CDCA8: variants seen among roughly 807,000 people sequenced by gnomAD.
The protein encoded by CDCA8 is cell division cycle associated 8, also known as borealin.
Under a neutral mutation model 40.0 loss-of-function variants are expected in CDCA8, and 25 were observed. The ratio of observed to expected loss-of-function variants is 0.63; its 90% CI spans 0.46 to 0.87. The LOEUF (loss-of-function observed/expected upper bound fraction) is 0.87, where lower values mean the gene tolerates loss of function less well. Among genes scored for constraint, CDCA8 ranks in the 40% least tolerant of loss-of-function variants. CDCA8 has a pLI of 0.00. For missense variants in CDCA8, 280 were observed against 348.4 expected (o/e 0.80, Z 1.56); for synonymous variants, 111 against 126.5 (o/e 0.88, Z 0.82).
At chr1:37,693,069 G>T (rs1399790761) in intron 2 of CDCA8, 36 bp downstream of exon 2, 2 of 1,608,720 alleles carry the variant, frequency 1.2e-6, no homozygotes, top group Non-Finnish European at 1.7e-6. Context: ...CGGAGGCCAG[G>T]AGCCCCTTGG....
At chr1:37,702,319 C>T (rs1645571103) in intron 6 of CDCA8, among the ~76,000 whole-genome samples, 1 of 151,510 alleles carries the variant, frequency 6.6e-6, no homozygotes, top group African/African-American at 2.4e-5. Context: ...TTAAGTATAG[C>T]AAGAACTGCC....
In CDCA8 at chr1:37,693,044, G is replaced by C. The variant is rs1462890093; in HGVS notation, c.223+11G>C. 16 of 1,612,928 alleles carry C rather than the reference G, an allele frequency of 9.9e-6. No homozygotes were observed. The Admixed American group carries it at 2.7e-4, about 27-fold the overall frequency. On this transcript the variant is annotated intron_variant, in intron 2 of 9. Transcript: ENST00000373055. Reference sequence around the variant, plus strand: ...GGCTTGACTACTTCGGTAAGAGCTGGAGAGCTTCCCTGGGCGGAGGCCAGG... The same window carrying C: ...GGCTTGACTACTTCGGTAAGAGCTGCAGAGCTTCCCTGGGCGGAGGCCAGG...
intron 6 of CDCA8, among the ~76,000 whole-genome samples, chr1:37,703,000 A>G (rs1645574832): frequency 6.6e-6 from 1 of 151,988 alleles, no homozygotes; most frequent in Non-Finnish European, 1.5e-5. Context: ...CTTTGGTTCA[A>G]AGTTTTGGCT....
chr1:37,703,992 T>C (rs1641010818), intron 7 of CDCA8, among the ~76,000 whole-genome samples: 1 of 152,158 alleles, frequency 6.6e-6, no homozygotes, highest in African/African-American at 2.4e-5. Flanking sequence ...CTCACTCCAA[T>C]GCCCAGGCTG....
intron 9 of CDCA8, 140 bp from the exon 10 acceptor site, chr1:37,708,182 A>T: frequency 1.4e-6 from 1 of 726,174 alleles, no homozygotes; most frequent in Non-Finnish European, 2.5e-6. Flanking sequence ...TCCCTTGTTC[A>T]GATGAGAAAC....
intron 6 of CDCA8, among the ~76,000 whole-genome samples, chr1:37,702,165 C>T (rs969076825): frequency 6.6e-6 from 1 of 151,698 alleles, no homozygotes; most frequent in African/African-American, 2.4e-5. Flanking sequence ...CTCAGCCTCC[C>T]GAGTAGCTGG....
At chr1:37,699,026 G>A (rs758233249) in intron 4 of CDCA8, 49 bp downstream of exon 4, 1 of 1,302,006 alleles carries the variant, frequency 7.7e-7, no homozygotes, top group East Asian at 2.3e-5. Flanking sequence ...CTGAGGCTCA[G>A]GTTGCTTGGT....
intron 2 of CDCA8, 75 bp downstream of exon 2, chr1:37,693,108 C>T (rs1197448219): frequency 3.0e-6 from 4 of 1,319,450 alleles, no homozygotes; most frequent in Admixed American, 2.0e-5. Context: ...AGAAAGGGCT[C>T]GCTCAGATGT....
At chr1:37,705,388 G>T in intron 7 of CDCA8, 53 bp from the exon 8 acceptor site, 1 of 1,590,684 alleles carries the variant, frequency 6.3e-7, no homozygotes, top group Non-Finnish European at 8.6e-7. Context: ...GGCCTATAGA[G>T]TTTGGTGTCA....
At chr1:37,702,933 C>G (rs1645574248) in intron 6 of CDCA8, among the ~76,000 whole-genome samples, 1 of 138,792 alleles carries the variant, frequency 7.2e-6, no homozygotes, top group Non-Finnish European at 1.5e-5. Context: ...GCCTGGGCAA[C>G]AGAGCAAGAC....
At position 37,703,331 on chromosome 1, in the gene CDCA8, C is replaced by T. The variant is rs1238649783; in HGVS notation, c.568C>T (p.Pro190Ser). 1 of 1,612,918 alleles carries T rather than the reference C, an allele frequency of 6.2e-7. No homozygotes were observed. The highest frequency in any genetic ancestry group is 8.5e-7 in the Non-Finnish European group (1 of 1,179,038). The stretch of plus-strand genomic sequence containing the variant: ...GGTCAAACCAACTCCAGGCCTGACA[C>T]CCAGGTTTGACTCAAGGTGAGTATC... ...SMVKPTPGLT[P>S]RFDSRVFKTP... Residue 190 changes from proline to serine, a missense_variant, in exon 7 of 10, where the codon CCC becomes TCC. Physicochemically the swap from Pro to Ser is moderately conservative, Grantham distance 74 (BLOSUM62 -1). Coordinates refer to ENST00000373055, the MANE Select transcript of CDCA8 (RefSeq NM_001256875.2).
At chr1:37,695,455 T>C (rs1053006144) in intron 2 of CDCA8, among the ~76,000 whole-genome samples, 8 of 150,400 alleles carry the variant, frequency 5.3e-5, no homozygotes, top group African/African-American at 1.7e-4. Flanking sequence ...TAGCCGAATG[T>C]GGTGGCGCAT....
At chr1:37,701,130 G>A (rs1375072734) in intron 5 of CDCA8, among the ~76,000 whole-genome samples, 1 of 152,162 alleles carries the variant, frequency 6.6e-6, no homozygotes, top group Non-Finnish European at 1.5e-5. Flanking sequence ...GGAGCTCAGG[G>A]AGAAGAGGGA....
intron 7 of CDCA8, 28 bp from the exon 8 acceptor site, chr1:37,705,413 T>A (rs1645591523): frequency 1.2e-6 from 2 of 1,606,680 alleles, no homozygotes; most frequent in Non-Finnish European, 1.7e-6. Flanking sequence ...ATTGCCAAGC[T>A]ATCTTCACAG....
chr1:37,701,607 C>A, intron 5 of CDCA8, 147 bp from the exon 6 acceptor site: 1 of 541,480 alleles, frequency 1.8e-6, no homozygotes, highest in Non-Finnish European at 3.3e-6. Context: ...CTTTTTAAGT[C>A]ATTGAATTCT....
chr1:37,698,246 G>A (rs1160262579), intron 3 of CDCA8, among the ~76,000 whole-genome samples: 4 of 152,320 alleles, frequency 2.6e-5, no homozygotes, highest in Middle Eastern at 3.4e-3. Context: ...GGCATAATGC[G>A]AAGGCTGAAT....
Position 37,692,694 on chromosome 1 carries a change from G to T in CDCA8, c.4G>T (p.Ala2Ser). Reference protein sequence around the residue: MAPRKGSSRVAK... With the variant: MSPRKGSSRVAK... ...CCCGCAGCCTCCGCCGAGCGCCATG[G>T]CTCCTAGGAAGGGCAGTAGTCGGGT... The change falls in exon 1 of 10, where the codon GCT (alanine) becomes TCT (serine). Residue 2 changes from alanine to serine, a missense_variant. Transcript: ENST00000373055. 2 of 1,612,682 alleles carry T rather than the reference G, an allele frequency of 1.2e-6. No homozygotes were observed. The highest frequency in any genetic ancestry group is 1.7e-6 in the Non-Finnish European group (2 of 1,179,764).
At chr1:37,699,279 A>G (rs748270010) in intron 4 of CDCA8, among the ~76,000 whole-genome samples, 1 of 152,226 alleles carries the variant, frequency 6.6e-6, no homozygotes, top group Non-Finnish European at 1.5e-5. Context: ...CTAGAAACCA[A>G]ACATTGTTGC....
In CDCA8 at chr1:37,704,634, C is replaced by G. The variant is rs1645586422; in HGVS notation, c.585-807C>G. ...AGATTTATTTTCTACTTTTAATTGC[C>G]ACTTTTTTTTTTTTTTTTTTTTTTT... is the stretch of plus-strand genomic sequence containing the variant. On this transcript the variant is annotated intron_variant, in intron 7 of 9. Transcript: ENST00000373055. Among the ~76,000 whole-genome samples, 3 of 137,268 alleles carry G rather than the reference C, an allele frequency of 2.2e-5. No individual in the cohort carries two copies. The South Asian group carries it at 6.8e-4, about 31-fold the overall frequency. 90.1% of individuals were successfully genotyped at this position (137,268 alleles called of 152,430 possible).
Sources: gnomAD v4.1 joint callset for allele counts (sites outside exome capture counted in the v4.1 genomes callset) on GRCh38, gnomAD v4.1.1 for gene constraint, MANE v1.5 for transcripts, NCBI Gene and HGNC (gene_info 2026-07-23, HGNC 2026-07-21) for gene names.